The following PRPF18 variants were observed in gnomAD, a reference collection of about 807,000 sequenced individuals.
The protein encoded by PRPF18 is pre-mRNA processing factor 18.
In PRPF18, 38 loss-of-function variants were observed where a neutral mutation model predicts 46.5. The ratio of observed to expected loss-of-function variants is 0.82; its 90% confidence interval spans 0.63 to 1.07. The LOEUF (loss-of-function observed/expected upper bound fraction) is 1.07, where lower values mean the gene tolerates loss of function less well. Among genes scored for constraint, PRPF18 ranks in the 50% least tolerant of loss-of-function variants. PRPF18 has a pLI of 0.00. For synonymous variants in PRPF18, 152 were observed against 146.7 expected, an observed-to-expected ratio of 1.04 and a Z score of -0.26; for missense variants, 263 against 410.0, an observed-to-expected ratio of 0.64 and a Z score of 3.10.
intron 6 of PRPF18, among the ~76,000 whole-genome samples, chr10:13,612,907 G>C (rs1007729892): frequency 4.6e-5 from 7 of 152,102 alleles, no homozygotes; most frequent in Admixed American, 1.3e-4. Context: ...TCTAGATAGA[G>C]TATGAACAAA....
At chr10:13,594,722 G>A (rs549736724) in intron 1 of PRPF18, among the ~76,000 whole-genome samples, 12 of 152,148 alleles carry the variant, frequency 7.9e-5, no homozygotes, top group Non-Finnish European at 1.3e-4. Context: ...CTGGTGGTGG[G>A]TACAAGTTTT....
intron 7 of PRPF18, 34 bp from the exon 8 acceptor site, chr10:13,613,981 G>A: frequency 1.3e-6 from 2 of 1,552,588 alleles, no homozygotes; most frequent in Non-Finnish European, 1.8e-6. Context: ...TCTATACATA[G>A]TAGCTTCCAA....
chr10:13,629,671 A>G (rs1236424269), intron 9 of PRPF18, among the ~76,000 whole-genome samples: 1 of 152,226 alleles, frequency 6.6e-6, no homozygotes, highest in Non-Finnish European at 1.5e-5. Context: ...ACTTCATGCC[A>G]CTTGCTTTTT....
chr10:13,587,448 C>T (rs2079892273), intron 1 of PRPF18, among the ~76,000 whole-genome samples: 2 of 152,236 alleles, frequency 1.3e-5, no homozygotes, highest in African/African-American at 4.8e-5. Context: ...AATTAACGCC[C>T]ACGTCCAAAA....
At chr10:13,597,081 A>G (rs2080045980) in intron 1 of PRPF18, among the ~76,000 whole-genome samples, 1 of 152,188 alleles carries the variant, frequency 6.6e-6, no homozygotes, top group Admixed American at 6.5e-5. Context: ...GTTAGGAAAA[A>G]ATAATTGAGG....
At chr10:13,624,226 C>T (rs1322313334) in intron 9 of PRPF18, among the ~76,000 whole-genome samples, 1 of 152,246 alleles carries the variant, frequency 6.6e-6, no homozygotes, top group East Asian at 1.9e-4. Context: ...GATCTGCCTG[C>T]CTTGGCCTCC....
At chr10:13,632,226 AG>A (rs2080596515), downstream of PRPF18, among the ~76,000 whole-genome samples, 1 of 152,126 alleles carries the variant, frequency 6.6e-6, no homozygotes, top group Non-Finnish European at 1.5e-5. Flanking sequence ...CTGTAGTCCC[AG>A]CTACTCGGGA....
intron 1 of PRPF18, among the ~76,000 whole-genome samples, chr10:13,594,226 G>A (rs542326848): frequency 1.6e-4 from 24 of 152,278 alleles, no homozygotes; most frequent in African/African-American, 5.8e-4. Context: ...CTATATTTGC[G>A]AAAACAAACA....
the PRPF18 span, chr10:13,651,373 C>T: frequency 6.0e-4 from 92 of 153,196 alleles, no homozygotes; most frequent in South Asian, 7.0e-3. Flanking sequence ...TTTTCAGGGA[C>T]ACTGATTACT....
intron 1 of PRPF18, among the ~76,000 whole-genome samples, chr10:13,592,848 A>T (rs945330662): frequency 1.3e-5 from 2 of 152,210 alleles, no homozygotes; most frequent in African/African-American, 2.4e-5. Context: ...TCTTTCCTAT[A>T]TGCAAGATAC....
chr10:13,587,320 C>A (rs1271274614), intron 1 of PRPF18, 168 bp downstream of exon 1: 1 of 705,230 alleles, frequency 1.4e-6, no homozygotes, highest in African/African-American at 1.8e-5. Flanking sequence ...CTTGGCGTCT[C>A]ACTGTTGAGG....
chr10:13,636,538 T>G, the PRPF18 span, among the ~76,000 whole-genome samples: 5 of 152,210 alleles, frequency 3.3e-5, no homozygotes, highest in African/African-American at 1.2e-4. Flanking sequence ...CTTTGAAAAT[T>G]ATTTCCTAAG....
chr10:13,619,534 C>A (rs144174195), intron 9 of PRPF18, among the ~76,000 whole-genome samples: 1 of 152,278 alleles, frequency 6.6e-6, no homozygotes, highest in Non-Finnish European at 1.5e-5. Flanking sequence ...TCCCTAGAGG[C>A]CATTGCTTAA....
At chr10:13,637,161 T>C in the PRPF18 span, 86 of 152,346 alleles carry the variant, frequency 5.6e-4, no homozygotes, top group Middle Eastern at 6.8e-3. Flanking sequence ...CATCTCTCTA[T>C]TTATATTCAC....
At chr10:13,621,925 C>T (rs1354541615) in intron 9 of PRPF18, among the ~76,000 whole-genome samples, 1 of 152,124 alleles carries the variant, frequency 6.6e-6, no homozygotes, top group Non-Finnish European at 1.5e-5. Flanking sequence ...TAGCATTTGC[C>T]AAATTTATCT....
chr10:13,616,550 T>C lies in PRPF18; in HGVS notation c.945T>C (p.Ile315=). 6.2e-7 allele frequency: 1 copy of C among 1,613,994 alleles called. No individual in the cohort carries two copies. Reference sequence around the variant, plus strand: ...ATGACGAAACTCAGCGGAAATATATTCAGGTAAGCAGTTTGGAGAGCCGGG... The same window carrying C: ...ATGACGAAACTCAGCGGAAATATATCCAGGTAAGCAGTTTGGAGAGCCGGG... The part of the protein sequence containing the change: ...VLNDETQRKY[I]QGLKRLMTIC... The change falls in exon 9 of 10, where the codon ATT becomes ATC. Residue 315 remains isoleucine, a synonymous_variant. Coordinates refer to ENST00000378572, the MANE Select transcript of PRPF18 (RefSeq NM_003675.4).
intron 2 of PRPF18, among the ~76,000 whole-genome samples, chr10:13,598,558 C>T (rs970961620): frequency 6.6e-6 from 1 of 151,906 alleles, no homozygotes; most frequent in Non-Finnish European, 1.5e-5. Context: ...TCAAAAGATA[C>T]CAAGAAGTGA....
chr10:13,640,004 A>G, the PRPF18 span: 2 of 152,210 alleles, frequency 1.3e-5, no homozygotes, highest in African/African-American at 4.8e-5. Context: ...ACACTTGTAG[A>G]ACCAGCTTCA....
At chr10:13,627,043 T>C (rs2080518295) in intron 9 of PRPF18, among the ~76,000 whole-genome samples, 1 of 152,088 alleles carries the variant, frequency 6.6e-6, no homozygotes, top group Non-Finnish European at 1.5e-5. Context: ...TTATTGCTCC[T>C]CTCCAGTTTC....
Sources: gnomAD v4.1 joint callset for allele counts (sites outside exome capture counted in the v4.1 genomes callset) on GRCh38, gnomAD v4.1.1 for gene constraint, MANE v1.5 for transcripts, NCBI Gene and HGNC (gene_info 2026-07-23, HGNC 2026-07-21) for gene names.